TMEM116: variants seen among roughly 807,000 people sequenced by gnomAD.
TMEM116 encodes transmembrane protein 116.
Under a neutral mutation model 44.3 loss-of-function variants are expected in TMEM116, and 38 were observed. That is an observed-to-expected ratio of 0.86 (90% CI 0.66 to 1.12). The LOEUF is 1.12. Ranked by LOEUF, TMEM116 falls within the 50% of genes most tolerant of loss-of-function variation. TMEM116 has a pLI of 0.00. For synonymous variants in TMEM116, 132 were observed against 144.8 expected (o/e 0.91, Z 0.64); for missense variants, 354 against 401.7 (o/e 0.88, Z 1.01).
chr12:111,986,167 G>C (rs1270712517), intron 4 of TMEM116, among the ~76,000 whole-genome samples: 1 of 151,606 alleles, frequency 6.6e-6, no homozygotes. Context: ...ACCAGCCTGA[G>C]CAACACGGCA....
At chr12:111,979,779 C>T (rs1408190924) in intron 4 of TMEM116, among the ~76,000 whole-genome samples, 3 of 152,016 alleles carry the variant, frequency 2.0e-5, no homozygotes, top group African/African-American at 4.8e-5. Context: ...AATAAGAAAA[C>T]AAAATATTTG....
chr12:111,933,994 A>G lies in TMEM116; in HGVS notation c.625T>C (p.Phe209Leu), dbSNP rs1345576871. Reference sequence around the variant, plus strand: ...CCCAGAAAGCCAGTTGACTTCACAAACTTCTTATACAATGTCTGGGCTCGG... The same window carrying G: ...CCCAGAAAGCCAGTTGACTTCACAAGCTTCTTATACAATGTCTGGGCTCGG... The part of the protein sequence containing the change: ...LIRAQTLYKK[F>L]VKSTGFLGSE... The change falls in exon 9 of 11, where the codon TTT becomes CTT. Residue 209 changes from phenylalanine (F) to leucine (L), a missense_variant. Physicochemically the swap from Phe to Leu is conservative, Grantham distance 22. Transcript: ENST00000552374. 1 of 1,614,016 alleles carries G rather than the reference A, an allele frequency of 6.2e-7. No individual in the cohort carries two copies.
At chr12:111,945,764 G>A (rs183333993) in intron 4 of TMEM116, among the ~76,000 whole-genome samples, 11 of 152,220 alleles carry the variant, frequency 7.2e-5, no homozygotes. Flanking sequence ...CATACAGATA[G>A]TCCCTAACTT....
intron 4 of TMEM116, among the ~76,000 whole-genome samples, chr12:111,991,441 A>G (rs2076584662): frequency 6.8e-6 from 1 of 146,968 alleles, no homozygotes. Context: ...GGAGAATGGC[A>G]TGAACCTGGG....
intron 4 of TMEM116, among the ~76,000 whole-genome samples, chr12:111,949,380 A>G (rs1284927858): frequency 6.6e-6 from 1 of 152,194 alleles, no homozygotes; most frequent in African/African-American, 2.4e-5. Flanking sequence ...TTGCTTATAT[A>G]TATTAGCAAG....
chr12:111,953,013 C>T (rs1324101078), intron 4 of TMEM116, among the ~76,000 whole-genome samples: 1 of 152,162 alleles, frequency 6.6e-6, no homozygotes. Flanking sequence ...ATGAGATTAT[C>T]ATATTACTAT....
chr12:111,947,652 A>G (rs966462817), intron 4 of TMEM116, among the ~76,000 whole-genome samples: 4 of 152,212 alleles, frequency 2.6e-5, no homozygotes, highest in Non-Finnish European at 2.9e-5. Context: ...CAGATTTTAC[A>G]TGGTTATTCA....
At chr12:111,953,759 T>A (rs1234321135) in intron 4 of TMEM116, among the ~76,000 whole-genome samples, 1 of 152,230 alleles carries the variant, frequency 6.6e-6, no homozygotes, top group Non-Finnish European at 1.5e-5. Context: ...CATATTCCCA[T>A]TGCAGTGCTT....
chr12:111,946,927 T>G (rs2073332029), intron 4 of TMEM116, among the ~76,000 whole-genome samples: 1 of 152,142 alleles, frequency 6.6e-6, no homozygotes, highest in Admixed American at 6.6e-5. Context: ...CCAGCATAAA[T>G]GGGTTAAAGT....
intron 4 of TMEM116, among the ~76,000 whole-genome samples, chr12:111,984,719 G>A (rs961912935): frequency 7.2e-5 from 11 of 151,952 alleles, no homozygotes; most frequent in Middle Eastern, 3.4e-3. Context: ...AAGGAAAAAC[G>A]GTTGAAGGGA....
intron 3 of TMEM116, among the ~76,000 whole-genome samples, chr12:112,002,030 T>G (rs2077286536): frequency 6.6e-6 from 1 of 152,170 alleles, no homozygotes; most frequent in Non-Finnish European, 1.5e-5. Flanking sequence ...AATATCAGAC[T>G]AATAATATCC....
At chr12:111,984,037 A>G (rs2076090484) in intron 4 of TMEM116, among the ~76,000 whole-genome samples, 1 of 152,218 alleles carries the variant, frequency 6.6e-6, no homozygotes, top group Admixed American at 6.5e-5. Flanking sequence ...ATCAATTAAT[A>G]TATCACATTA....
At chr12:111,959,049 G>C (rs2074378838) in intron 4 of TMEM116, among the ~76,000 whole-genome samples, 1 of 152,128 alleles carries the variant, frequency 6.6e-6, no homozygotes, top group African/African-American at 2.4e-5. Flanking sequence ...AAAATCATCA[G>C]ATTCACCAAG....
chr12:111,956,193 T>G (rs541222734), intron 4 of TMEM116, among the ~76,000 whole-genome samples: 1 of 152,324 alleles, frequency 6.6e-6, no homozygotes, highest in Admixed American at 6.5e-5. Flanking sequence ...CCTATAAAAC[T>G]CTTTTCATTA....
intron 3 of TMEM116, chr12:111,993,479 T>C (rs1410764275): frequency 3.6e-6 from 2 of 551,596 alleles, no homozygotes; most frequent in South Asian, 1.5e-5. Flanking sequence ...ATCACTGTAT[T>C]TGGCTGCCTC....
chr12:111,988,925 G>A (rs952790819), intron 4 of TMEM116, among the ~76,000 whole-genome samples: 2 of 152,114 alleles, frequency 1.3e-5, no homozygotes, highest in Non-Finnish European at 2.9e-5. Flanking sequence ...CTGGGAGGTG[G>A]AGGTTGCAGT....
At chr12:111,952,274 C>G (rs1463694471) in intron 4 of TMEM116, among the ~76,000 whole-genome samples, 1 of 152,116 alleles carries the variant, frequency 6.6e-6, no homozygotes, top group East Asian at 1.9e-4. Context: ...GACTTGCTGA[C>G]TTGGCTCTCT....
chr12:111,975,847 C>T (rs1394111850), intron 4 of TMEM116, among the ~76,000 whole-genome samples: 3 of 151,880 alleles, frequency 2.0e-5, no homozygotes, highest in African/African-American at 4.8e-5. Context: ...GAGCTCAGGC[C>T]CACAAAAATA....
At chr12:111,997,415 G>C (rs2076985046) in intron 3 of TMEM116, among the ~76,000 whole-genome samples, 1 of 152,022 alleles carries the variant, frequency 6.6e-6, no homozygotes, top group African/African-American at 2.4e-5. Context: ...AAAAAAAATA[G>C]CTGGCTATAG....
Sources: allele counts gnomAD v4.1 joint callset (sites outside exome capture counted in the v4.1 genomes callset), GRCh38; gene constraint gnomAD v4.1.1; transcripts MANE v1.5; gene names NCBI Gene and HGNC (gene_info 2026-07-23, HGNC 2026-07-21).